The following MCTP1 variants were observed in gnomAD, a reference collection of about 807,000 sequenced individuals.
MCTP1 encodes the protein multiple C2 and transmembrane domain containing 1.
In MCTP1, 69 loss-of-function variants were observed where a neutral mutation model predicts 120.6. The observed-to-expected ratio is 0.57, with a 90% CI of 0.47 to 0.70. MCTP1 has a LOEUF of 0.70. Ranked by LOEUF, MCTP1 falls within the 30% of genes least tolerant of loss-of-function variation. The pLI is 0.00. For synonymous variants in MCTP1, 529 were observed against 493.1 expected, an observed-to-expected ratio of 1.07 and a Z score of -0.96; for missense variants, 1,203 against 1,248.8, an observed-to-expected ratio of 0.96 and a Z score of 0.55.
intron 12 of MCTP1, among the ~76,000 whole-genome samples, chr5:94,881,003 C>T (rs1799938146): frequency 6.6e-6 from 1 of 152,074 alleles, no homozygotes; most frequent in Admixed American, 6.6e-5. Flanking sequence ...TGCTGAGCAT[C>T]CATTCCAACT....
intron 1 of MCTP1, among the ~76,000 whole-genome samples, chr5:95,183,581 T>C (rs1748857492): frequency 1.3e-5 from 2 of 152,096 alleles, no homozygotes; most frequent in Non-Finnish European, 2.9e-5. Context: ...TGACATATTG[T>C]ATATCCAAAA....
intron 9 of MCTP1, among the ~76,000 whole-genome samples, chr5:94,910,885 A>T (rs1270480778): frequency 6.6e-6 from 1 of 152,268 alleles, no homozygotes; most frequent in African/African-American, 2.4e-5. Flanking sequence ...TAAATGTCTT[A>T]TAATCAGGCT....
Position 94,909,385 on chromosome 5 carries a change from G to GAA in MCTP1, c.1522-6_1522-5dup. 6.5e-7 allele frequency: 1 copy of GAA among 1,545,274 alleles called. No homozygotes were observed. Among genetic ancestry groups the GAA allele is most frequent in the Non-Finnish European group, 8.7e-7 (1 of 1,152,980 alleles). On this transcript the variant is annotated splice_polypyrimidine_tract_variant and splice_region_variant and intron_variant, in intron 9 of 22. Transcript: ENST00000515393. Reference sequence around the variant, plus strand: ...GATTCAACGTTTTTGGCATAATCTGGAAAAAAAAATCATAATTGTCATATT... The same window carrying GAA: ...GATTCAACGTTTTTGGCATAATCTGGAAAAAAAAAAATCATAATTGTCATATT...
At chr5:94,812,014 C>T (rs1192405556) in intron 17 of MCTP1, among the ~76,000 whole-genome samples, 1 of 152,084 alleles carries the variant, frequency 6.6e-6, no homozygotes, top group East Asian at 1.9e-4. Context: ...TTTGTTGAGC[C>T]ACACGGTACT....
At chr5:94,987,737 TCTTCA>T (rs1830678958) in intron 2 of MCTP1, among the ~76,000 whole-genome samples, 1 of 152,168 alleles carries the variant, frequency 6.6e-6, no homozygotes, top group Non-Finnish European at 1.5e-5. Context: ...GAAAATAATA[TCTTCA>T]CTTCATCACT....
At chr5:94,849,583 C>G (rs1581023321) in intron 17 of MCTP1, among the ~76,000 whole-genome samples, 1 of 152,014 alleles carries the variant, frequency 6.6e-6, no homozygotes, top group African/African-American at 2.4e-5. Flanking sequence ...TAGAGCAGTG[C>G]CTGGCAGCTG....
chr5:95,202,380 C>T (rs1242287226), intron 1 of MCTP1, among the ~76,000 whole-genome samples: 3 of 152,178 alleles, frequency 2.0e-5, no homozygotes, highest in Non-Finnish European at 4.4e-5. Context: ...TTAAACTGAG[C>T]CACACTACTG....
intron 1 of MCTP1, among the ~76,000 whole-genome samples, chr5:95,095,364 T>G (rs1756172619): frequency 1.3e-5 from 2 of 152,194 alleles, no homozygotes; most frequent in African/African-American, 4.8e-5. Context: ...CCAAGGAGTT[T>G]AAGGTGCTTA....
At chr5:94,986,696 A>G (rs1830479529) in intron 2 of MCTP1, among the ~76,000 whole-genome samples, 1 of 152,068 alleles carries the variant, frequency 6.6e-6, no homozygotes, top group Non-Finnish European at 1.5e-5. Context: ...TTTTTAGTAG[A>G]GATTGGATTT....
At chr5:95,209,349 T>C (rs78189232) in intron 1 of MCTP1, among the ~76,000 whole-genome samples, 1,594 of 152,288 alleles carry the variant, frequency 0.01, 14 homozygotes, top group Middle Eastern at 0.031. Context: ...TCTGAACTAT[T>C]TGTGTTTTCC....
intron 1 of MCTP1, among the ~76,000 whole-genome samples, chr5:95,022,189 G>C (rs1467241645): frequency 6.6e-6 from 1 of 152,098 alleles, no homozygotes; most frequent in African/African-American, 2.4e-5. Context: ...GATATATTAG[G>C]TTGGTGCAAA....
At chr5:94,869,812 TC>T (rs1256906377) in intron 16 of MCTP1, among the ~76,000 whole-genome samples, 1 of 152,122 alleles carries the variant, frequency 6.6e-6, no homozygotes, top group Non-Finnish European at 1.5e-5. Context: ...GCAATAGATA[TC>T]ACGCTCAATT....
chr5:94,943,443 T>C (rs77818875), intron 3 of MCTP1, among the ~76,000 whole-genome samples: 1,793 of 152,166 alleles, frequency 0.012, 36 homozygotes, highest in African/African-American at 0.041. Context: ...GAGGGATAGT[T>C]CAGAGCTAGA....
At chr5:94,718,284 G>A (rs544713754) in intron 19 of MCTP1, among the ~76,000 whole-genome samples, 3 of 152,294 alleles carry the variant, frequency 2.0e-5, no homozygotes, top group African/African-American at 7.2e-5. Flanking sequence ...TATAAAAACA[G>A]TGCTGGGAAA....
rs375518858 is a variant in MCTP1 at position 94,759,294 on chromosome 5, A to G, written c.2610+19816T>C. On this transcript the variant is annotated intron_variant, in intron 19 of 22. Transcript: ENST00000515393. Reference sequence around the variant, plus strand: ...GGTGTGTAAACACTAAGAGATTCTGATATTATGATATCTTTCATGTAGAAA... The same window carrying G: ...GGTGTGTAAACACTAAGAGATTCTGGTATTATGATATCTTTCATGTAGAAA... Among the ~76,000 whole-genome samples, 9 of 152,288 alleles carry G rather than the reference A, an allele frequency of 5.9e-5. No homozygotes were observed. In the South Asian group the frequency reaches 1.9e-3, roughly 32 times the overall value.
intron 2 of MCTP1, among the ~76,000 whole-genome samples, chr5:95,016,941 T>G (rs1343905104): frequency 1.3e-5 from 2 of 152,118 alleles, no homozygotes; most frequent in Non-Finnish European, 1.5e-5. Context: ...TAGGAATCTC[T>G]GAAGTTTTGG....
At chr5:94,708,682 T>C in intron 21 of MCTP1, 73 bp from the exon 22 acceptor site, 1 of 937,728 alleles carries the variant, frequency 1.1e-6, no homozygotes, top group Non-Finnish European at 1.7e-6. Context: ...ATCTAACTTG[T>C]ATGCCTTGAC....
intron 1 of MCTP1, among the ~76,000 whole-genome samples, chr5:95,027,010 A>T (rs1323955273): frequency 6.6e-6 from 1 of 152,260 alleles, no homozygotes; most frequent in Non-Finnish European, 1.5e-5. Flanking sequence ...CTGTACAGTG[A>T]AATATCCATT....
intron 1 of MCTP1, among the ~76,000 whole-genome samples, chr5:95,257,747 G>A (rs1758036205): frequency 6.7e-6 from 1 of 149,316 alleles, no homozygotes; most frequent in South Asian, 2.1e-4. Context: ...AGAAGAGCCT[G>A]GACAGTCTAA....
Sources: allele counts gnomAD v4.1 joint callset (sites outside exome capture counted in the v4.1 genomes callset), GRCh38; gene constraint gnomAD v4.1.1; transcripts MANE v1.5; gene names NCBI Gene and HGNC (gene_info 2026-07-23, HGNC 2026-07-21).